The following DGKB variants were observed in gnomAD, a reference collection of about 807,000 sequenced individuals.
DGKB encodes diacylglycerol kinase beta.
DGKB carries 67 observed loss-of-function variants against 114.3 expected under a neutral mutation model. The ratio of observed to expected loss-of-function variants is 0.59; its 90% confidence interval spans 0.48 to 0.72. DGKB has a LOEUF of 0.72. DGKB is among the 30% of genes least tolerant of loss of function. The pLI is 0.00. For missense variants in DGKB, 907 were observed against 975.2 expected (o/e 0.93, Z 0.93); for synonymous variants, 398 against 323.1 (o/e 1.23, Z -2.49).
At position 14,147,144 on chromosome 7, in the gene DGKB, G is replaced by A. The variant is rs773696251; in HGVS notation, c.*1987C>T. The A allele has an allele frequency of 1.1e-4, 16 of 152,038 alleles. No individual in the cohort carries two copies. Among genetic ancestry groups the A allele is most frequent in the African/African-American group, 2.4e-4 (10 of 41,406 alleles). 9.4% of individuals were successfully genotyped at this position (152,038 alleles called of 1,614,324 possible). Reference sequence around the variant, plus strand: ...TACAAAAAATCAATGTGTGTGTTACGTAACATTATGTCAGTAATGTACTTG... The same window carrying A: ...TACAAAAAATCAATGTGTGTGTTACATAACATTATGTCAGTAATGTACTTG... On this transcript the variant is annotated 3_prime_UTR_variant, in exon 26 of 26. Coordinates refer to ENST00000402815, the MANE Select transcript of DGKB (RefSeq NM_001350709.2).
rs573446974 is a variant in DGKB, at chr7:14,939,860, G to A, written c.-188+34836C>T. 3.3e-5 allele frequency among the ~76,000 whole-genome samples: 5 copies of A among 151,938 alleles called. No individual in the cohort carries two copies. The South Asian group carries it at 8.3e-4, about 25-fold the overall frequency. ...GATCTCCTGACCTCGTGATCCACCC[G>A]CCTCGGCCTCCCAAAGTGCTGGGAT... On this transcript the variant is annotated intron_variant, in intron 1 of 4. Coordinates refer to the DGKB transcript ENST00000437998.
At chr7:14,174,530 C>T (rs917596917) in intron 25 of DGKB, among the ~76,000 whole-genome samples, 49 of 152,062 alleles carry the variant, frequency 3.2e-4, no homozygotes, top group African/African-American at 1.1e-3. Flanking sequence ...TATTCATGGA[C>T]GCTAGTTGGT....
intron 23 of DGKB, among the ~76,000 whole-genome samples, chr7:14,239,052 T>C (rs558819149): frequency 3.9e-5 from 6 of 152,048 alleles, no homozygotes; most frequent in Admixed American, 2.0e-4. Context: ...TAACTGCTTT[T>C]GCTGTTTGTT....
intron 23 of DGKB, among the ~76,000 whole-genome samples, chr7:14,327,910 G>A (rs1278847703): frequency 1.3e-5 from 2 of 152,098 alleles, no homozygotes; most frequent in Non-Finnish European, 2.9e-5. Context: ...TCAGTTCCTT[G>A]CAAGAGACCA....
chr7:14,545,474 A>G (rs1794132229), intron 20 of DGKB, among the ~76,000 whole-genome samples: 1 of 152,216 alleles, frequency 6.6e-6, no homozygotes, highest in African/African-American at 2.4e-5. Flanking sequence ...AGCAGAAAGC[A>G]TACTGAGAAA....
chr7:14,491,246 T>C (rs1784559254), intron 20 of DGKB, among the ~76,000 whole-genome samples: 1 of 152,020 alleles, frequency 6.6e-6, no homozygotes, highest in Non-Finnish European at 1.5e-5. Flanking sequence ...ATTGTCCTCA[T>C]GTAGTGAATA....
At chr7:14,244,580 GA>G (rs1794173825) in intron 23 of DGKB, among the ~76,000 whole-genome samples, 1 of 150,264 alleles carries the variant, frequency 6.7e-6, no homozygotes, top group East Asian at 2.0e-4. Flanking sequence ...TGAGGCAGGG[GA>G]ATCGCTTGAA....
chr7:14,853,026 T>C (rs984036060), intron 1 of DGKB, among the ~76,000 whole-genome samples: 3 of 152,192 alleles, frequency 2.0e-5, no homozygotes, highest in African/African-American at 7.2e-5. Context: ...TGGAAACTGA[T>C]GATTGCGGGC....
intron 20 of DGKB, among the ~76,000 whole-genome samples, chr7:14,559,734 GC>G (rs1242387999): frequency 6.6e-6 from 1 of 152,154 alleles, no homozygotes; most frequent in Non-Finnish European, 1.5e-5. Context: ...AGATGTCAAA[GC>G]CTTGGATCTC....
intron 21 of DGKB, among the ~76,000 whole-genome samples, chr7:14,471,507 A>T (rs1260748484): frequency 6.7e-6 from 1 of 149,970 alleles, no homozygotes; most frequent in African/African-American, 2.4e-5. Context: ...GCTGACATAT[A>T]AATTGATAAG....
At chr7:14,904,404 G>GTAATCAGGGT (rs1783553129), upstream of DGKB, among the ~76,000 whole-genome samples, 1 of 152,066 alleles carries the variant, frequency 6.6e-6, no homozygotes, top group Admixed American at 6.6e-5. Flanking sequence ...TAGGGCTTGT[G>GTAATCAGGGT]TAATCAGGGT....
At chr7:14,739,935 C>A (rs1217024332) in intron 4 of DGKB, among the ~76,000 whole-genome samples, 3 of 152,266 alleles carry the variant, frequency 2.0e-5, no homozygotes, top group Non-Finnish European at 4.4e-5. Flanking sequence ...CTGCCCTCCC[C>A]CACGTTCCCG....
intron 2 of DGKB, among the ~76,000 whole-genome samples, chr7:14,794,060 C>T (rs970354589): frequency 6.6e-6 from 1 of 152,156 alleles, no homozygotes; most frequent in East Asian, 1.9e-4. Flanking sequence ...ACTCCATCAG[C>T]TTTCCTGGGT....
At chr7:14,646,952 G>A in intron 13 of DGKB, among the ~76,000 whole-genome samples, 1 of 151,334 alleles carries the variant, frequency 6.6e-6, no homozygotes, top group South Asian at 2.1e-4. Flanking sequence ...CAAAATTTAT[G>A]GAAGAAAAAA....
chr7:14,711,746 T>C (rs963516915), intron 6 of DGKB, among the ~76,000 whole-genome samples: 2 of 152,092 alleles, frequency 1.3e-5, no homozygotes, highest in African/African-American at 4.8e-5. Flanking sequence ...CTGGGGAGTA[T>C]GTAAGCTCTC....
At chr7:14,812,370 T>C (rs1843559746) in intron 2 of DGKB, among the ~76,000 whole-genome samples, 1 of 152,146 alleles carries the variant, frequency 6.6e-6, no homozygotes, top group African/African-American at 2.4e-5. Context: ...TCTTTCACTT[T>C]AGAATGAAAT....
At chr7:14,956,551 T>C (rs1587454658) in intron 1 of DGKB, among the ~76,000 whole-genome samples, 1 of 152,128 alleles carries the variant, frequency 6.6e-6, no homozygotes, top group East Asian at 1.9e-4. Context: ...GCTAATTAAT[T>C]TCCTTTAACC....
intron 2 of DGKB, among the ~76,000 whole-genome samples, chr7:14,829,846 G>A (rs2128119898): frequency 6.6e-6 from 1 of 152,168 alleles, no homozygotes; most frequent in African/African-American, 2.4e-5. Flanking sequence ...ACAGAGTAGT[G>A]CCTCATAAGT....
At chr7:14,912,455 G>C (rs1047285767) in intron 1 of DGKB, among the ~76,000 whole-genome samples, 1 of 151,994 alleles carries the variant, frequency 6.6e-6, no homozygotes, top group Non-Finnish European at 1.5e-5. Context: ...GTTCACTGGG[G>C]GACTGGTTGG....
Sources: gnomAD v4.1 joint callset for allele counts (sites outside exome capture counted in the v4.1 genomes callset) on GRCh38, gnomAD v4.1.1 for gene constraint, MANE v1.5 for transcripts, NCBI Gene and HGNC (gene_info 2026-07-23, HGNC 2026-07-21) for gene names.